Variants in HSPG2 observed in about 807,000 individuals in gnomAD.
HSPG2 encodes heparan sulfate proteoglycan 2, also known as basement membrane-specific heparan sulfate proteoglycan core protein.
A neutral mutation model predicts 526.6 loss-of-function variants in HSPG2; 278 were observed. The ratio of observed to expected loss-of-function variants is 0.53; its 90% CI spans 0.48 to 0.58. The LOEUF is 0.58. Among genes scored for constraint, HSPG2 ranks in the 20% least tolerant of loss-of-function variants. The pLI is 0.00. For synonymous variants in HSPG2, 2,465 were observed against 2,555.4 expected (o/e 0.96, Z 1.07); for missense variants, 5,354 against 6,099.5 (o/e 0.88, Z 4.07).
intron 67 of HSPG2, 130 bp downstream of exon 67, chr1:21,842,640 C>G: frequency 8.1e-7 from 1 of 1,235,426 alleles, no homozygotes; most frequent in Non-Finnish European, 1.1e-6. Flanking sequence ...CTGGTGAACT[C>G]GTCCCGCAAA....
Position 21,849,027 on chromosome 1 carries a change from T to C in HSPG2, c.7451A>G (p.His2484Arg). 6.2e-7 allele frequency: 1 copy of C among 1,613,868 alleles called. No individual in the cohort carries two copies. Among genetic ancestry groups the C allele is most frequent in the Non-Finnish European group, 8.5e-7 (1 of 1,180,006 alleles). ...GGSLPARHQV[H>R]GSRLRLLQVT... ...CTGGAGCAGGCGTAGCCTCGAGCCA[T>C]GCACCTGGGAGGGTCAGGAGGGAGG... is the stretch of plus-strand genomic sequence containing the variant. Residue 2484 changes from histidine to arginine, a missense_variant, in exon 58 of 97, where the codon CAT becomes CGT. By Grantham distance (29) the His-to-Arg change is conservative. Transcript: ENST00000374695.
At position 21,839,472 on chromosome 1, in the gene HSPG2, A is replaced by G. The variant is rs764759439; in HGVS notation, c.9788T>C (p.Leu3263Pro). ...CTGCTGGGCTACCCGGGGTATGATG[A>G]GTGTGTCACCTTCCAGCCGGTGCTG... The part of the protein sequence containing the change: ...PWQHRLEGDT[L>P]IIPRVAQQDS... Residue 3263 changes from leucine to proline, a missense_variant, in exon 73 of 97, where the codon CTC (leucine) becomes CCC (proline). Transcript: ENST00000374695. The surrounding 1 kb of genome is among the most constrained non-coding windows in gnomAD (Gnocchi z 4.5). 4 of 1,614,008 alleles carry G rather than the reference A, an allele frequency of 2.5e-6. No homozygotes were observed. The highest frequency in any genetic ancestry group is 3.4e-6 in the Non-Finnish European group (4 of 1,179,968).
chr1:21,860,825 G>A (rs566303396), intron 39 of HSPG2, among the ~76,000 whole-genome samples: 2 of 152,328 alleles, frequency 1.3e-5, no homozygotes, highest in African/African-American at 4.8e-5. Flanking sequence ...CCAGGCATGT[G>A]CTATAGGTGT....
intron 77 of HSPG2, 129 bp downstream of exon 77, chr1:21,834,550 A>C (rs2098018425): frequency 1.1e-5 from 13 of 1,162,398 alleles, no homozygotes; most frequent in Non-Finnish European, 1.6e-5. Context: ...CCTGCCCCTT[A>C]AACACACACA....
intron 6 of HSPG2, chr1:21,888,569 G>A (rs969506389): frequency 5.9e-6 from 5 of 848,494 alleles, no homozygotes; most frequent in East Asian, 1.2e-4. Context: ...GCCTCCCAAA[G>A]TGCTGGGGTT....
At chr1:21,906,165 G>A (rs1253006012) in intron 1 of HSPG2, among the ~76,000 whole-genome samples, 2 of 152,180 alleles carry the variant, frequency 1.3e-5, no homozygotes, top group Non-Finnish European at 2.9e-5. Flanking sequence ...ATACCACCTG[G>A]TCCCGCCGAT....
At position 21,878,896 on chromosome 1, in the gene HSPG2, G is replaced by T. The variant is rs1641297578; in HGVS notation, c.2471+98C>A. 7.6e-6 allele frequency: 11 copies of T among 1,443,488 alleles called. No individual in the cohort carries two copies. The East Asian group carries it at 2.7e-4, about 35-fold the overall frequency. The allele number at this position is 1,443,488 out of a possible 1,614,324, so 89.4% of individuals were successfully genotyped here. ...TGGGATAACTTAGTGATCAGGTAGAGATCTGAATCCAAGTCTCCTGCCTCC... is the reference window on the plus strand; with the variant it reads ...TGGGATAACTTAGTGATCAGGTAGATATCTGAATCCAAGTCTCCTGCCTCC... On this transcript the variant is annotated intron_variant, in intron 18 of 96. Transcript: ENST00000374695.
chr1:21,827,971 A>T, intron 90 of HSPG2, 52 bp from the exon 91 acceptor site: 1 of 1,611,374 alleles, frequency 6.2e-7, no homozygotes, highest in Non-Finnish European at 8.5e-7. Context: ...CGTGGGTACT[A>T]TGTCGAGCTC....
At chr1:21,827,149 A>G (rs1302995190) in intron 91 of HSPG2, among the ~76,000 whole-genome samples, 1 of 152,052 alleles carries the variant, frequency 6.6e-6, no homozygotes, top group Non-Finnish European at 1.5e-5. Flanking sequence ...CGGGGGTTGC[A>G]GTGAGCCGAG....
At chr1:21,906,929 G>C (rs1013992527) in intron 1 of HSPG2, among the ~76,000 whole-genome samples, 2 of 152,166 alleles carry the variant, frequency 1.3e-5, no homozygotes, top group African/African-American at 4.8e-5. Flanking sequence ...CAGGGGCTCT[G>C]TAAAGGAGGC....
chr1:21,870,545 G>A (rs892722610), intron 33 of HSPG2, among the ~76,000 whole-genome samples: 1 of 152,194 alleles, frequency 6.6e-6, no homozygotes, highest in East Asian at 1.9e-4. Context: ...AGGGGAACCC[G>A]GGGGGCTAGA....
In HSPG2 at chr1:21,887,780, C is replaced by T. The variant is rs1642042315; in HGVS notation, c.704-106G>A. On this transcript the variant is annotated intron_variant, in intron 7 of 96. Coordinates refer to ENST00000374695, the MANE Select transcript of HSPG2 (RefSeq NM_005529.7). The surrounding 1 kb of genome is among the most constrained non-coding windows in gnomAD (Gnocchi z 5.0). ...ACCCTGTACTCCCCAACACCACTCC[C>T]TGCCACCCCCTGCCTGGCTCTGTCA... 1.9e-6 allele frequency: 3 copies of T among 1,556,546 alleles called. No homozygotes were observed. The highest frequency in any genetic ancestry group is 2.7e-6 in the Non-Finnish European group (3 of 1,130,194).
At chr1:21,860,073 G>T (rs1639671760) in intron 40 of HSPG2, 71 bp from the exon 41 acceptor site, 2 of 1,599,580 alleles carry the variant, frequency 1.3e-6, no homozygotes, top group Admixed American at 3.4e-5. Context: ...CCCAAAAGCT[G>T]GGGTACCCCA....
intron 1 of HSPG2, among the ~76,000 whole-genome samples, chr1:21,932,631 G>C (rs1042235068): frequency 6.6e-6 from 1 of 152,208 alleles, no homozygotes; most frequent in Admixed American, 6.5e-5. Context: ...AGCAGTTTAA[G>C]GAGACAGCCA....
chr1:21,903,375 C>T (rs1015024990), intron 1 of HSPG2, among the ~76,000 whole-genome samples: 2 of 152,122 alleles, frequency 1.3e-5, no homozygotes, highest in South Asian at 2.1e-4. Flanking sequence ...CAGAGGCAGG[C>T]GGATCACCTG....
intron 1 of HSPG2, among the ~76,000 whole-genome samples, chr1:21,925,973 G>A (rs1644179698): frequency 6.6e-6 from 1 of 152,002 alleles, no homozygotes; most frequent in African/African-American, 2.4e-5. Flanking sequence ...GGCACTACAG[G>A]CATGAGCCAC....
chr1:21,930,362 T>C (rs1012771998), intron 1 of HSPG2, among the ~76,000 whole-genome samples: 1 of 152,236 alleles, frequency 6.6e-6, no homozygotes, highest in African/African-American at 2.4e-5. Flanking sequence ...TATTTTTTCT[T>C]CTGAGCACTT....
At chr1:21,827,040 C>G (rs2097978760) in intron 91 of HSPG2, among the ~76,000 whole-genome samples, 1 of 151,702 alleles carries the variant, frequency 6.6e-6, no homozygotes, top group African/African-American at 2.4e-5. Context: ...AAACCCCATC[C>G]CTACAAAAAA....
intron 71 of HSPG2, 82 bp downstream of exon 71, chr1:21,841,019 C>A: frequency 7.7e-7 from 1 of 1,299,730 alleles, no homozygotes; most frequent in Non-Finnish European, 1.1e-6. Flanking sequence ...ACCTGCCCAT[C>A]CACTACTATC....
Sources: gnomAD v4.1 joint callset for allele counts (sites outside exome capture counted in the v4.1 genomes callset) on GRCh38, gnomAD v4.1.1 for gene constraint, Gnocchi (gnomAD v3.1) non-coding constraint, MANE v1.5 for transcripts, NCBI Gene and HGNC (gene_info 2026-07-23, HGNC 2026-07-21) for gene names.